ERBB4: variants seen among roughly 807,000 people sequenced by gnomAD.
ERBB4 encodes receptor tyrosine-protein kinase erbB-4.
ERBB4 carries 42 observed loss-of-function variants against 158.0 expected under a neutral mutation model. That is an observed-to-expected ratio of 0.27 (90% CI 0.21 to 0.34). The LOEUF (loss-of-function observed/expected upper bound fraction) is 0.34. ERBB4 is among the 10% of genes least tolerant of loss of function. The pLI, the probability that ERBB4 is intolerant of heterozygous loss-of-function variation, is 1.00. For missense variants in ERBB4, 1,333 were observed against 1,624.1 expected, an observed-to-expected ratio of 0.82 and a Z score of 3.08; for synonymous variants, 583 against 558.7, an observed-to-expected ratio of 1.04 and a Z score of -0.61.
rs986736567 is a variant in ERBB4 at position 211,871,521 on chromosome 2, A to C, written c.421+75909T>G. ...TGCTTTGGCATTAAAAAAAAAAAAA[A>C]CCCTCTAGTCATGGGTCATTCAGAC... On this transcript the variant is annotated intron_variant, in intron 3 of 27. Transcript: ENST00000342788. Among the ~76,000 whole-genome samples the C allele has an allele frequency of 1.9e-4, 29 of 150,712 alleles. 1 individual carries two copies. The highest frequency in any genetic ancestry group is 1.7e-3 in the Admixed American group (25 of 15,096).
intron 20 of ERBB4, among the ~76,000 whole-genome samples, chr2:211,560,844 T>C (rs527553692): frequency 6.6e-6 from 1 of 152,306 alleles, no homozygotes; most frequent in South Asian, 2.1e-4. Flanking sequence ...ATTTTTGGTT[T>C]AAATTTTAAT....
intron 4 of ERBB4, among the ~76,000 whole-genome samples, chr2:211,780,177 C>T (rs181308927): frequency 9.2e-5 from 14 of 151,924 alleles, no homozygotes; most frequent in Middle Eastern, 6.8e-3. Context: ...GCCTGGGTAA[C>T]GTAGGGAGAG....
chr2:211,508,550 C>T (rs36125039), intron 20 of ERBB4, among the ~76,000 whole-genome samples: 56,670 of 151,878 alleles, frequency 0.37, 10,939 homozygotes, highest in African/African-American at 0.46. Context: ...AGTTCAACCA[C>T]TGTGGAAGAC....
chr2:212,112,861 T>C (rs994724528), intron 2 of ERBB4, among the ~76,000 whole-genome samples: 1 of 152,218 alleles, frequency 6.6e-6, no homozygotes, highest in African/African-American at 2.4e-5. Flanking sequence ...AAGATTATAA[T>C]TCCAGTATAA....
At chr2:211,745,360 T>G (rs1308281308) in intron 5 of ERBB4, among the ~76,000 whole-genome samples, 3 of 152,208 alleles carry the variant, frequency 2.0e-5, no homozygotes, top group African/African-American at 7.2e-5. Flanking sequence ...CTCAGGATGC[T>G]GGGCTCTTTA....
At chr2:211,592,231 C>T (rs1415548664) in intron 19 of ERBB4, among the ~76,000 whole-genome samples, 1 of 152,076 alleles carries the variant, frequency 6.6e-6, no homozygotes, top group Admixed American at 6.5e-5. Flanking sequence ...CTGGGAACTG[C>T]GGGTATTGCT....
intron 2 of ERBB4, among the ~76,000 whole-genome samples, chr2:212,038,340 A>G (rs1307889799): frequency 6.6e-6 from 1 of 152,072 alleles, no homozygotes; most frequent in Non-Finnish European, 1.5e-5. Flanking sequence ...AGTAAGCAAA[A>G]TCTAACAACT....
At chr2:212,325,559 A>T (rs1274477334) in intron 1 of ERBB4, among the ~76,000 whole-genome samples, 1 of 150,872 alleles carries the variant, frequency 6.6e-6, no homozygotes, top group African/African-American at 2.4e-5. Context: ...TAATTAGAAA[A>T]AAATAAAACA....
At chr2:211,992,565 G>GAA (rs1553528744) in intron 2 of ERBB4, among the ~76,000 whole-genome samples, 1 of 122,602 alleles carries the variant, frequency 8.2e-6, no homozygotes. Flanking sequence ...GAGAGAGAGA[G>GAA]AGAAAAAAAA....
intron 18 of ERBB4, among the ~76,000 whole-genome samples, chr2:211,622,991 ATATAT>A (rs1207999718): frequency 4.7e-4 from 3 of 6,428 alleles, no homozygotes; most frequent in Non-Finnish European, 5.6e-4. Context: ...AAAAAAAAAA[ATATAT>A]ATATATATAT....
intron 18 of ERBB4, among the ~76,000 whole-genome samples, chr2:211,622,301 T>C (rs2069635382): frequency 6.6e-6 from 1 of 152,186 alleles, no homozygotes; most frequent in Non-Finnish European, 1.5e-5. Flanking sequence ...TTTGTTTCTT[T>C]GAACATATAC....
Position 211,613,327 on chromosome 2 carries a change from A to G in ERBB4, c.2301+5850T>C, listed in dbSNP as rs1476120642. 2.0e-5 allele frequency among the ~76,000 whole-genome samples: 3 copies of G among 152,124 alleles called. No individual in the cohort carries two copies. The East Asian group carries it at 5.8e-4, about 29-fold the overall frequency. On this transcript the variant is annotated intron_variant, in intron 19 of 27. Coordinates refer to ENST00000342788, the MANE Select transcript of ERBB4 (RefSeq NM_005235.3). ...TAAGCGGGCTGCAGAGAGATGTGAG[A>G]TAGGAAGCACTGAGGGATCGTGAGA...
At chr2:211,731,667 A>G (rs1210220083) in intron 5 of ERBB4, among the ~76,000 whole-genome samples, 3 of 152,156 alleles carry the variant, frequency 2.0e-5, no homozygotes, top group East Asian at 3.9e-4. Flanking sequence ...ATTTATTCCT[A>G]TTAATGATGA....
chr2:212,245,044 G>T (rs1482004364), intron 1 of ERBB4, among the ~76,000 whole-genome samples: 1 of 151,900 alleles, frequency 6.6e-6, no homozygotes, highest in Non-Finnish European at 1.5e-5. Flanking sequence ...TTTTATTGTA[G>T]AACCATAAAA....
At chr2:212,120,205 T>C (rs370837457) in intron 2 of ERBB4, among the ~76,000 whole-genome samples, 3 of 152,206 alleles carry the variant, frequency 2.0e-5, no homozygotes, top group East Asian at 1.9e-4. Flanking sequence ...CAGCTCTCTA[T>C]GATATTCAAA....
At chr2:211,617,635 T>C (rs1041357148) in intron 19 of ERBB4, among the ~76,000 whole-genome samples, 22 of 152,074 alleles carry the variant, frequency 1.4e-4, no homozygotes, top group African/African-American at 4.8e-4. Flanking sequence ...ACCTACTATA[T>C]GAGAACCAAT....
chr2:212,487,557 ATTT>A lies in ERBB4; in HGVS notation c.82+50889_82+50891del, dbSNP rs111731479. 7.0e-4 allele frequency among the ~76,000 whole-genome samples: 103 copies of A among 146,548 alleles called. 1 individual carries two copies. The highest frequency in any genetic ancestry group is 1.4e-3 in the Non-Finnish European group (91 of 66,136). On this transcript the variant is annotated intron_variant, in intron 1 of 27. Transcript: ENST00000342788. Reference sequence around the variant, plus strand: ...TACACTCCCACCAGGTTAGGCATGTATTTTTTTTTTTTCAAAAATTCAGCAAAT... The same window carrying A: ...TACACTCCCACCAGGTTAGGCATGTATTTTTTTTTCAAAAATTCAGCAAAT...
At chr2:212,396,381 G>A (rs988598704) in intron 1 of ERBB4, among the ~76,000 whole-genome samples, 5 of 152,084 alleles carry the variant, frequency 3.3e-5, no homozygotes, top group Admixed American at 6.6e-5. Flanking sequence ...ATGCTAGATT[G>A]TCTGAATTCA....
intron 3 of ERBB4, among the ~76,000 whole-genome samples, chr2:211,944,176 A>ATATATATATATATATAGT (rs1559154416): frequency 3.7e-4 from 6 of 16,286 alleles, no homozygotes; most frequent in Admixed American, 3.6e-3. Context: ...ATATATATAT[A>ATATATATATATATATAGT]CTATATATAT....
Sources: allele counts gnomAD v4.1 joint callset (sites outside exome capture counted in the v4.1 genomes callset), GRCh38; gene constraint gnomAD v4.1.1; transcripts MANE v1.5; gene names NCBI Gene and HGNC (gene_info 2026-07-23, HGNC 2026-07-21).